Variants in INPP5A observed in about 807,000 individuals in gnomAD.
The protein encoded by INPP5A is 43 kDa inositol polyphosphate 5-phophatase.
Under a neutral mutation model 65.2 loss-of-function variants are expected in INPP5A, and 14 were observed. The observed-to-expected ratio is 0.21, with a 90% confidence interval of 0.14 to 0.34. The LOEUF (loss-of-function observed/expected upper bound fraction) is 0.34. Ranked by LOEUF, INPP5A falls within the 10% of genes least tolerant of loss-of-function variation. The pLI is 1.00. For synonymous variants in INPP5A, 207 were observed against 208.3 expected (o/e 0.99, Z 0.05); for missense variants, 431 against 545.6 (o/e 0.79, Z 2.09).
rs577558416 is a variant in INPP5A, at chr10:132,642,403, C to T, written c.118-3465C>T. On this transcript the variant is annotated intron_variant, in intron 2 of 15. Transcript: ENST00000368594. ...GGGCTGTGTCTCACTGTGCGTCTGG[C>T]GTTCCGGGGCCCCTGATGTGGTGGC... is the stretch of plus-strand genomic sequence containing the variant. Among the ~76,000 whole-genome samples the T allele has an allele frequency of 2.0e-5, 3 of 152,232 alleles. No individual in the cohort carries two copies. In the South Asian group the frequency reaches 6.2e-4, roughly 32 times the overall value.
intron 4 of INPP5A, among the ~76,000 whole-genome samples, chr10:132,671,134 A>G (rs2072884414): frequency 6.6e-6 from 1 of 152,066 alleles, no homozygotes; most frequent in Non-Finnish European, 1.5e-5. Flanking sequence ...GGAGTGAGGC[A>G]TGGGCATGTG....
chr10:132,734,970 A>C (rs1247054333), intron 9 of INPP5A, among the ~76,000 whole-genome samples: 1 of 152,164 alleles, frequency 6.6e-6, no homozygotes, highest in Admixed American at 6.5e-5. Flanking sequence ...AGCCCCTCAG[A>C]GAAGGCCACA....
rs1847173358 is a variant in INPP5A, at chr10:132,782,077, T to TCC, written c.*50_*51dup. ...GCCACGAGAGGACACTTCGTGAGCC[T>TCC]CCCTGTAGCCGTGGACCGAATACGC... On this transcript the variant is annotated 3_prime_UTR_variant, in exon 16 of 16. Transcript: ENST00000368594. This position sits in a 1 kb window ranked among gnomAD's most constrained non-coding sequence, Gnocchi z 4.4. 1 of 1,550,370 alleles carries TCC rather than the reference T, an allele frequency of 6.5e-7. No homozygotes were observed.
chr10:132,700,383 C>T (rs552326586), intron 6 of INPP5A, among the ~76,000 whole-genome samples: 12 of 152,308 alleles, frequency 7.9e-5, no homozygotes, highest in African/African-American at 2.6e-4. Flanking sequence ...CAGGGCCAGC[C>T]CTGCCACGTC....
intron 1 of INPP5A, among the ~76,000 whole-genome samples, chr10:132,599,798 T>C (rs2071753533): frequency 6.6e-6 from 1 of 152,236 alleles, no homozygotes; most frequent in Non-Finnish European, 1.5e-5. Flanking sequence ...TCAGTTCTTG[T>C]CTTCTGTGCA....
intron 1 of INPP5A, among the ~76,000 whole-genome samples, chr10:132,562,737 G>C (rs2071222319): frequency 6.6e-6 from 1 of 152,224 alleles, no homozygotes; most frequent in Admixed American, 6.5e-5. Context: ...GGCTCATCTC[G>C]AGGGTGAATT....
chr10:132,729,686 C>A (rs1846047932), intron 9 of INPP5A, among the ~76,000 whole-genome samples: 1 of 152,232 alleles, frequency 6.6e-6, no homozygotes, highest in South Asian at 2.1e-4. Flanking sequence ...GGGGTCCACG[C>A]AGAGGGCCAG....
rs1393273607 is a variant in INPP5A at position 132,538,120 on chromosome 10, G to C, written c.24G>C (p.Pro8=). Reference sequence around the variant, plus strand: ...CCATGGCGGGGAAGGCGGCCGCCCCGGGCACCGCGGTGCTGCTGGTCACGG... The same window carrying C: ...CCATGGCGGGGAAGGCGGCCGCCCCCGGCACCGCGGTGCTGCTGGTCACGG... The part of the protein sequence containing the change: MAGKAAA[P]GTAVLLVTAN... The change falls in exon 1 of 16, where the codon CCG becomes CCC. Residue 8 remains proline, a synonymous_variant. Coordinates refer to ENST00000368594, the MANE Select transcript of INPP5A (RefSeq NM_005539.5). The surrounding 1 kb of genome is among the most constrained non-coding windows in gnomAD (Gnocchi z 4.1). The C allele has an allele frequency of 8.1e-7, 1 of 1,239,360 alleles. No homozygotes were observed. Among genetic ancestry groups the C allele is most frequent in the Admixed American group, 4.0e-5 (1 of 24,764 alleles). The allele number at this position is 1,239,360 out of a possible 1,614,324, so 76.8% of individuals were successfully genotyped here.
intron 4 of INPP5A, among the ~76,000 whole-genome samples, chr10:132,688,873 TGA>T (rs1202085937): frequency 4.6e-5 from 7 of 150,972 alleles, no homozygotes; most frequent in African/African-American, 1.2e-4. Context: ...AGTTAGTGCA[TGA>T]GTGTATGAGT....
chr10:132,624,324 G>A (rs1319285138), intron 2 of INPP5A, among the ~76,000 whole-genome samples: 2 of 152,360 alleles, frequency 1.3e-5, no homozygotes, highest in Non-Finnish European at 1.5e-5. Context: ...GAGGCCTGGG[G>A]TCTTTGAAGG....
At chr10:132,554,386 G>A (rs2071096629) in intron 1 of INPP5A, among the ~76,000 whole-genome samples, 1 of 152,170 alleles carries the variant, frequency 6.6e-6, no homozygotes, top group Non-Finnish European at 1.5e-5. Context: ...CACCGCAGAG[G>A]GTCTCCTGGG....
In INPP5A at chr10:132,753,355, G is replaced by C. The variant is rs796375256; in HGVS notation, c.903+3510G>C. On this transcript the variant is annotated intron_variant, in intron 11 of 15. Coordinates refer to ENST00000368594, the MANE Select transcript of INPP5A (RefSeq NM_005539.5). The surrounding 1 kb of genome is among the most constrained non-coding windows in gnomAD (Gnocchi z 5.3). ...CTCCGTCCGCAGGATGGATGTGCCT[G>C]CGCCGGTCGCAGCCCCAAGTCCATT... is the stretch of plus-strand genomic sequence containing the variant. Among the ~76,000 whole-genome samples, 37 of 152,332 alleles carry C rather than the reference G, an allele frequency of 2.4e-4. No individual in the cohort carries two copies. The highest frequency in any genetic ancestry group is 8.7e-4 in the African/African-American group (36 of 41,586).
chr10:132,728,489 T>C (rs914616387), intron 9 of INPP5A, among the ~76,000 whole-genome samples: 3 of 152,238 alleles, frequency 2.0e-5, no homozygotes, highest in South Asian at 2.1e-4. Flanking sequence ...TGTCATAGGC[T>C]CCTCCTCCAC....
Position 132,706,296 on chromosome 10 carries a change from A to G in INPP5A, c.475-2017A>G, listed in dbSNP as rs1015024923. On this transcript the variant is annotated intron_variant, in intron 6 of 15. Transcript: ENST00000368594. The surrounding 1 kb of genome is among the most constrained non-coding windows in gnomAD (Gnocchi z 4.7). Reference sequence around the variant, plus strand: ...CTATTAAGAGGCTCAAATAAACTCAAAATAAATTCCAGAAAGAAGCAGTGG... The same window carrying G: ...CTATTAAGAGGCTCAAATAAACTCAGAATAAATTCCAGAAAGAAGCAGTGG... 2.0e-5 allele frequency among the ~76,000 whole-genome samples: 3 copies of G among 152,248 alleles called. No homozygotes were observed. The highest frequency in any genetic ancestry group is 6.5e-5 in the Admixed American group (1 of 15,280).
At chr10:132,625,548 G>C (rs1229107128) in intron 2 of INPP5A, among the ~76,000 whole-genome samples, 1 of 152,166 alleles carries the variant, frequency 6.6e-6, no homozygotes, top group South Asian at 2.1e-4. Context: ...AGCCCCTTGA[G>C]GCACAGGGGT....
At chr10:132,745,793 C>A (rs936953562) in intron 9 of INPP5A, among the ~76,000 whole-genome samples, 1 of 140,128 alleles carries the variant, frequency 7.1e-6, no homozygotes, top group South Asian at 2.3e-4. Flanking sequence ...GGGCTTCTGG[C>A]GTGGTGGCCT....
chr10:132,749,629 A>T lies in INPP5A; in HGVS notation c.828+17A>T. The T allele has an allele frequency of 6.2e-7, 1 of 1,611,506 alleles. No homozygotes were observed. Among genetic ancestry groups the T allele is most frequent in the Non-Finnish European group, 8.5e-7 (1 of 1,178,784 alleles). ...GACCGGAAGGTGAGCGGGGCCTGTGACTGGGCAGGTGACGCACGGGGCCTG... is the reference window on the plus strand; with the variant it reads ...GACCGGAAGGTGAGCGGGGCCTGTGTCTGGGCAGGTGACGCACGGGGCCTG... On this transcript the variant is annotated intron_variant, in intron 10 of 15. Transcript: ENST00000368594.
chr10:132,719,201 C>T (rs1845809980), intron 8 of INPP5A, among the ~76,000 whole-genome samples: 1 of 148,410 alleles, frequency 6.7e-6, no homozygotes, highest in South Asian at 2.2e-4. Flanking sequence ...TGGGTTCTGT[C>T]TGGGCACCTT....
chr10:132,766,011 G>A lies in INPP5A; in HGVS notation c.977+165G>A, dbSNP rs998266162. Among the ~76,000 whole-genome samples, 3 of 152,220 alleles carry A rather than the reference G, an allele frequency of 2.0e-5. No homozygotes were observed. Among genetic ancestry groups the A allele is most frequent in the Admixed American group, 6.5e-5 (1 of 15,284 alleles). On this transcript the variant is annotated intron_variant, in intron 12 of 15. Transcript: ENST00000368594. ...GTGTGTACCATACCTGTGTGTACAC[G>A]TGTGTGTTGTGCATCTGTGTGCACA...
Sources: gnomAD v4.1 joint callset for allele counts (sites outside exome capture counted in the v4.1 genomes callset) on GRCh38, gnomAD v4.1.1 for gene constraint, Gnocchi (gnomAD v3.1) non-coding constraint, MANE v1.5 for transcripts, NCBI Gene and HGNC (gene_info 2026-07-23, HGNC 2026-07-21) for gene names.